Variants in POLR3B observed in about 807,000 individuals in gnomAD.
POLR3B encodes DNA-directed RNA polymerase III subunit RPC2.
POLR3B carries 96 observed loss-of-function variants against 147.4 expected under a neutral mutation model. That is an observed-to-expected ratio of 0.65 (90% CI 0.55 to 0.77). The LOEUF (loss-of-function observed/expected upper bound fraction) is 0.77. POLR3B is among the 30% of genes least tolerant of loss of function. The probability of loss-of-function intolerance (pLI) is 0.00; values close to 1 mark genes in which losing one functional copy is unlikely to be tolerated. For missense variants in POLR3B, 1,036 were observed against 1,413.5 expected (o/e 0.73, Z 4.28); for synonymous variants, 461 against 485.9 (o/e 0.95, Z 0.67).
intron 23 of POLR3B, among the ~76,000 whole-genome samples, chr12:106,475,816 A>G (rs1246112115): frequency 6.7e-6 from 1 of 149,974 alleles, no homozygotes; most frequent in Non-Finnish European, 1.5e-5. Context: ...TTGACTCTTT[A>G]TCCAACTTGC....
chr12:106,377,525 G>T (rs1400250989), intron 7 of POLR3B, among the ~76,000 whole-genome samples: 1 of 152,024 alleles, frequency 6.6e-6, no homozygotes, highest in Non-Finnish European at 1.5e-5. Flanking sequence ...GAGTTTTTTT[G>T]AATATGGAAT....
intron 23 of POLR3B, among the ~76,000 whole-genome samples, chr12:106,469,532 T>G (rs57930935): frequency 0.088 from 13,423 of 152,188 alleles, 639 homozygotes; most frequent in Middle Eastern, 0.13. Flanking sequence ...TTGATGCAGT[T>G]TCTTCATAGC....
At chr12:106,376,251 A>T in intron 6 of POLR3B, 108 bp from the exon 7 acceptor site, 1 of 765,960 alleles carries the variant, frequency 1.3e-6, no homozygotes, top group Non-Finnish European at 2.3e-6. Context: ...AACATGGTGC[A>T]TAGATAGACC....
At chr12:106,493,591 C>A (rs2038434734) in intron 23 of POLR3B, among the ~76,000 whole-genome samples, 1 of 152,198 alleles carries the variant, frequency 6.6e-6, no homozygotes, top group African/African-American at 2.4e-5. Context: ...TAAAATCTGT[C>A]AGCTATGACT....
At chr12:106,461,885 A>G (rs2037942466) in intron 22 of POLR3B, among the ~76,000 whole-genome samples, 2 of 151,770 alleles carry the variant, frequency 1.3e-5, no homozygotes, top group Non-Finnish European at 2.9e-5. Flanking sequence ...AGTTCTCAGC[A>G]CTCCAGTCAC....
intron 23 of POLR3B, chr12:106,495,828 C>A (rs184838963): frequency 2.0e-5 from 13 of 647,956 alleles, no homozygotes; most frequent in Non-Finnish European, 3.4e-5. Flanking sequence ...GTGTGCTATG[C>A]CGGCAGCACA....
chr12:106,452,744 A>C (rs1011936189), intron 19 of POLR3B, among the ~76,000 whole-genome samples: 2 of 152,196 alleles, frequency 1.3e-5, no homozygotes, highest in African/African-American at 4.8e-5. Context: ...CACTAAAATA[A>C]CATAAATCAA....
chr12:106,492,318 G>A (rs986735440), intron 23 of POLR3B, among the ~76,000 whole-genome samples: 2 of 151,858 alleles, frequency 1.3e-5, no homozygotes, highest in African/African-American at 2.4e-5. Flanking sequence ...TTTAATCCCA[G>A]CCCTTTGACT....
At chr12:106,432,095 A>G (rs1054488066) in intron 14 of POLR3B, among the ~76,000 whole-genome samples, 1 of 152,154 alleles carries the variant, frequency 6.6e-6, no homozygotes, top group African/African-American at 2.4e-5. Context: ...GCATTTCTGT[A>G]TCTAAATCTA....
chr12:106,492,293 A>G (rs918247600), intron 23 of POLR3B, among the ~76,000 whole-genome samples: 2 of 152,106 alleles, frequency 1.3e-5, no homozygotes, highest in Non-Finnish European at 2.9e-5. Flanking sequence ...TAAGCCAGGC[A>G]TGGTGGCTCA....
chr12:106,440,443 A>G (rs987850255), intron 18 of POLR3B, among the ~76,000 whole-genome samples: 2 of 152,188 alleles, frequency 1.3e-5, no homozygotes, highest in African/African-American at 4.8e-5. Flanking sequence ...AAGTCCTTAC[A>G]GAAGCCTTCC....
intron 25 of POLR3B, among the ~76,000 whole-genome samples, chr12:106,498,538 GT>G (rs1350877767): frequency 7.3e-5 from 11 of 151,248 alleles, no homozygotes; most frequent in Admixed American, 3.3e-4. Context: ...TCTGGGTGTT[GT>G]TTTTTGTTTG....
intron 25 of POLR3B, among the ~76,000 whole-genome samples, chr12:106,498,582 G>GT (rs564316643): frequency 0.024 from 3,481 of 147,722 alleles, 76 homozygotes; most frequent in South Asian, 0.044. Flanking sequence ...TTTGGGGTTT[G>GT]TTTTTTTTGT....
chr12:106,446,453 A>G, intron 19 of POLR3B: 3 of 336,982 alleles, frequency 8.9e-6, no homozygotes, highest in South Asian at 5.0e-5. Flanking sequence ...GAAACCCTTT[A>G]TATGTGGCAA....
At chr12:106,453,462 G>A (rs2037824074) in intron 19 of POLR3B, among the ~76,000 whole-genome samples, 1 of 151,926 alleles carries the variant, frequency 6.6e-6, no homozygotes, top group Admixed American at 6.6e-5. Flanking sequence ...ACTTCGGAGT[G>A]TGTGTGTGTG....
In POLR3B at chr12:106,369,588, T is replaced by C. The variant is rs1434270550; in HGVS notation, c.309T>C (p.Arg103=). The change falls in exon 6 of 28, where the codon CGT becomes CGC. Residue 103 remains arginine, a synonymous_variant. Coordinates refer to ENST00000228347, the MANE Select transcript of POLR3B (RefSeq NM_018082.6). ...GATTCCTGATTCTCTTTCAGTGCCGTTTGAGAGACATGACATACTCTGCCC... is the reference window on the plus strand; with the variant it reads ...GATTCCTGATTCTCTTTCAGTGCCGCTTGAGAGACATGACATACTCTGCCC... ...VTRPVSPHEC[R]LRDMTYSAPI... The C allele has an allele frequency of 6.2e-7, 1 of 1,606,860 alleles. No individual in the cohort carries two copies. Among genetic ancestry groups the C allele is most frequent in the African/African-American group, 1.3e-5 (1 of 74,828 alleles).
At chr12:106,447,999 C>T (rs2037745116) in intron 19 of POLR3B, among the ~76,000 whole-genome samples, 1 of 152,148 alleles carries the variant, frequency 6.6e-6, no homozygotes, top group Non-Finnish European at 1.5e-5. Context: ...ACACAATATA[C>T]AAAGATCCTC....
chr12:106,506,828 G>A (rs978743004), intron 27 of POLR3B, among the ~76,000 whole-genome samples: 1 of 152,156 alleles, frequency 6.6e-6, no homozygotes, highest in Non-Finnish European at 1.5e-5. Flanking sequence ...CTCGGGTGCT[G>A]CTTTCTGGCC....
At chr12:106,378,845 A>G (rs1224359146) in intron 8 of POLR3B, among the ~76,000 whole-genome samples, 2 of 152,158 alleles carry the variant, frequency 1.3e-5, no homozygotes, top group Admixed American at 1.3e-4. Flanking sequence ...AGCCTCTTTC[A>G]CAGTGTATTC....
Sources: allele counts gnomAD v4.1 joint callset (sites outside exome capture counted in the v4.1 genomes callset), GRCh38; gene constraint gnomAD v4.1.1; transcripts MANE v1.5; gene names NCBI Gene and HGNC (gene_info 2026-07-23, HGNC 2026-07-21).